The following CDH6 variants were observed in gnomAD, a reference collection of about 807,000 sequenced individuals.
CDH6 encodes cadherin 6.
Under a neutral mutation model 78.0 loss-of-function variants are expected in CDH6, and 31 were observed. That is an observed-to-expected ratio of 0.40 (90% CI 0.30 to 0.54). The LOEUF is 0.54. Ranked by LOEUF, CDH6 falls within the 20% of genes least tolerant of loss-of-function variation. The pLI is 0.56. For missense variants in CDH6, 724 were observed against 975.9 expected, an observed-to-expected ratio of 0.74 and a Z score of 3.44; for synonymous variants, 376 against 368.8, an observed-to-expected ratio of 1.02 and a Z score of -0.23.
intron 5 of CDH6, 78 bp downstream of exon 5, chr5:31,299,709 GTCA>G (rs2149950344): frequency 7.8e-7 from 1 of 1,284,596 alleles, no homozygotes; most frequent in Non-Finnish European, 1.1e-6. Context: ...ATTTTCCATT[GTCA>G]TCATTATTGT....
At chr5:31,247,927 C>T (rs1243762169) in intron 1 of CDH6, among the ~76,000 whole-genome samples, 3 of 152,132 alleles carry the variant, frequency 2.0e-5, no homozygotes, top group Non-Finnish European at 4.4e-5. Context: ...GCTCAACAAC[C>T]AAGAGCTGTG....
chr5:31,211,659 G>A (rs944670105), intron 1 of CDH6, among the ~76,000 whole-genome samples: 1 of 152,038 alleles, frequency 6.6e-6, no homozygotes, highest in African/African-American at 2.4e-5. Context: ...GAGGTTCTGG[G>A]GTTGTTTTTT....
intron 2 of CDH6, among the ~76,000 whole-genome samples, chr5:31,284,543 T>C (rs1173313340): frequency 6.6e-6 from 1 of 152,196 alleles, no homozygotes; most frequent in East Asian, 1.9e-4. Context: ...CTTCCTGGGC[T>C]TCTCCAGAAC....
At chr5:31,278,771 A>G (rs1469695290) in intron 2 of CDH6, among the ~76,000 whole-genome samples, 1 of 152,174 alleles carries the variant, frequency 6.6e-6, no homozygotes, top group African/African-American at 2.4e-5. Flanking sequence ...ACATATTTTG[A>G]GTTCTCACAG....
At chr5:31,230,502 G>A (rs1199288662) in intron 1 of CDH6, among the ~76,000 whole-genome samples, 1 of 152,078 alleles carries the variant, frequency 6.6e-6, no homozygotes, top group South Asian at 2.1e-4. Context: ...GAAGCATTAG[G>A]CCTCCTCTAC....
chr5:31,251,848 T>A (rs915138063), intron 1 of CDH6: 15 of 152,222 alleles, frequency 9.9e-5, no homozygotes, highest in African/African-American at 3.1e-4. Flanking sequence ...AAATGTCAAG[T>A]TTAAATAAAT....
rs557082130 is a variant in CDH6, at chr5:31,227,244, G to A, written c.-129+33358G>A. On this transcript the variant is annotated intron_variant, in intron 1 of 11. Transcript: ENST00000265071. ...GTACGGCGGGAAAGCACCTCCGCCCGTCAAACCACATTCTCCCAAACCCTC... is the reference window on the plus strand; with the variant it reads ...GTACGGCGGGAAAGCACCTCCGCCCATCAAACCACATTCTCCCAAACCCTC... 1.1e-4 allele frequency among the ~76,000 whole-genome samples: 16 copies of A among 152,188 alleles called. No individual in the cohort carries two copies. In the East Asian group the frequency reaches 2.1e-3, roughly 20 times the overall value.
In CDH6 at chr5:31,305,155, C is replaced by A; in HGVS notation, c.1000-19C>A. 6.3e-7 allele frequency: 1 copy of A among 1,597,914 alleles called. No individual in the cohort carries two copies. Among genetic ancestry groups the A allele is most frequent in the South Asian group, 1.1e-5 (1 of 88,432 alleles). ...GCTGCTTTAAATATGTCACTTCTTCCCCCACCCCCAACCTCAAGCTCTTGG... is the reference window on the plus strand; with the variant it reads ...GCTGCTTTAAATATGTCACTTCTTCACCCACCCCCAACCTCAAGCTCTTGG... On this transcript the variant is annotated intron_variant, in intron 6 of 11. Transcript: ENST00000265071.
At chr5:31,309,717 G>T (rs1474152835) in intron 7 of CDH6, among the ~76,000 whole-genome samples, 1 of 151,414 alleles carries the variant, frequency 6.6e-6, no homozygotes, top group Non-Finnish European at 1.5e-5. Flanking sequence ...ATTTCCACAG[G>T]CTGTACAGGA....
intron 1 of CDH6, among the ~76,000 whole-genome samples, chr5:31,207,263 A>C (rs1246571338): frequency 2.6e-5 from 4 of 152,228 alleles, no homozygotes; most frequent in African/African-American, 9.6e-5. Flanking sequence ...TTCAGAATTC[A>C]GGTCTTTTAG....
At chr5:31,268,093 G>A (rs780384706) in intron 2 of CDH6, among the ~76,000 whole-genome samples, 2 of 152,140 alleles carry the variant, frequency 1.3e-5, no homozygotes, top group Non-Finnish European at 2.9e-5. Context: ...AAAAGCAAAT[G>A]TTCTGAGCTA....
intron 1 of CDH6, among the ~76,000 whole-genome samples, chr5:31,253,268 G>T (rs1296007077): frequency 6.6e-6 from 1 of 152,148 alleles, no homozygotes; most frequent in Non-Finnish European, 1.5e-5. Flanking sequence ...ATTTATCATG[G>T]GGGCAGTTAC....
intron 1 of CDH6, among the ~76,000 whole-genome samples, chr5:31,260,033 G>A (rs994795768): frequency 1.1e-4 from 17 of 152,202 alleles, no homozygotes; most frequent in African/African-American, 4.1e-4. Context: ...AGTAGCAACT[G>A]ACTTAAGTTT....
intron 2 of CDH6, among the ~76,000 whole-genome samples, chr5:31,290,359 T>C (rs1208740347): frequency 6.6e-6 from 1 of 152,204 alleles, no homozygotes; most frequent in Non-Finnish European, 1.5e-5. Context: ...TAAAAAGTCT[T>C]ACCAGCGACA....
At chr5:31,278,502 G>T (rs533155057) in intron 2 of CDH6, among the ~76,000 whole-genome samples, 1 of 152,218 alleles carries the variant, frequency 6.6e-6, no homozygotes, top group African/African-American at 2.4e-5. Context: ...CTCAGTAGAA[G>T]AAAGTTTGAA....
At chr5:31,292,766 C>CGTGTGTGTGTGTGT (rs148045734) in intron 2 of CDH6, among the ~76,000 whole-genome samples, 1 of 147,098 alleles carries the variant, frequency 6.8e-6, no homozygotes, top group Non-Finnish European at 1.5e-5. Flanking sequence ...TATATATGTG[C>CGTGTGTGTGTGTGT]GTGTGTGTAT....
intron 6 of CDH6, among the ~76,000 whole-genome samples, chr5:31,303,652 T>G (rs1737894555): frequency 6.6e-6 from 1 of 152,226 alleles, no homozygotes; most frequent in South Asian, 2.1e-4. Flanking sequence ...TAACTTCTTA[T>G]GATTTCACTT....
intron 2 of CDH6, among the ~76,000 whole-genome samples, chr5:31,272,888 C>CA (rs918849513): frequency 2.6e-5 from 4 of 151,938 alleles, no homozygotes; most frequent in Non-Finnish European, 5.9e-5. Flanking sequence ...GGATAGTTTT[C>CA]AAAAAAATTG....
Position 31,327,186 on chromosome 5 carries a change from G to A in CDH6, c.*3878G>A, listed in dbSNP as rs1424120525. On this transcript the variant is annotated 3_prime_UTR_variant, in exon 12 of 12. Coordinates refer to ENST00000265071, the MANE Select transcript of CDH6 (RefSeq NM_004932.4). ...ATAGTGGTGTGTAAACTATGACTTG[G>A]ACAATTCTATATACTCAAGCACCAT... is the stretch of plus-strand genomic sequence containing the variant. The A allele has an allele frequency of 1.6e-5, 3 of 185,538 alleles. No individual in the cohort carries two copies. The highest frequency in any genetic ancestry group is 2.3e-5 in the African/African-American group (1 of 42,664). 11.5% of individuals were successfully genotyped at this position (185,538 alleles called of 1,614,324 possible). A position where few individuals can be genotyped will look rare whatever the true frequency, so the allele number is the denominator to read the frequency against.
Sources: gnomAD v4.1 joint callset for allele counts (sites outside exome capture counted in the v4.1 genomes callset) on GRCh38, gnomAD v4.1.1 for gene constraint, MANE v1.5 for transcripts, NCBI Gene and HGNC (gene_info 2026-07-23, HGNC 2026-07-21) for gene names.